DMC1: variants seen among roughly 807,000 people sequenced by gnomAD.
DMC1 encodes the protein DNA meiotic recombinase 1, also known as meiotic recombination protein DMC1 homolog.
DMC1 carries 27 observed loss-of-function variants against 50.1 expected under a neutral mutation model. The observed-to-expected ratio is 0.54, with a 90% CI of 0.40 to 0.74. The LOEUF (loss-of-function observed/expected upper bound fraction) is 0.74. DMC1 is among the 30% of genes least tolerant of loss of function. The pLI is 0.00. For missense variants in DMC1, 295 were observed against 420.2 expected (o/e 0.70, Z 2.60); for synonymous variants, 148 against 136.1 (o/e 1.09, Z -0.61).
rs748739482 is a variant in DMC1 at position 38,521,593 on chromosome 22, TAAAA to T, written c.953+11_953+14del. ...CACACACACACACACACACACAAAA[TAAAA>T]AAAAATTTACCTGTCATAAATCTTG... On this transcript the variant is annotated intron_variant, in intron 13 of 13. Coordinates refer to ENST00000216024, the MANE Select transcript of DMC1 (RefSeq NM_007068.4). The T allele has an allele frequency of 1.1e-4, 128 of 1,199,834 alleles. No homozygotes were observed. The highest frequency in any genetic ancestry group is 1.4e-4 in the Non-Finnish European group (115 of 848,858). 74.3% of individuals were successfully genotyped at this position (1,199,834 alleles called of 1,614,324 possible). A position where few individuals can be genotyped will look rare whatever the true frequency, so the allele number is the denominator to read the frequency against.
downstream of DMC1, among the ~76,000 whole-genome samples, chr22:38,517,890 GTC>G (rs1196077086): frequency 2.0e-5 from 3 of 151,960 alleles, no homozygotes; most frequent in Non-Finnish European, 4.4e-5. Flanking sequence ...TGCCGAGTTA[GTC>G]TCTGTTTTCT....
At chr22:38,549,847 T>A in intron 8 of DMC1, 78 bp downstream of exon 8, 2 of 1,082,642 alleles carry the variant, frequency 1.8e-6, no homozygotes, top group Non-Finnish European at 2.8e-6. Flanking sequence ...ACAAAGATTG[T>A]ATATCTCAGA....
chr22:38,509,368 C>G, the DMC1 span, among the ~76,000 whole-genome samples: 1 of 152,162 alleles, frequency 6.6e-6, no homozygotes, highest in East Asian at 1.9e-4. Context: ...TCCATGTGTC[C>G]GTGTCCTCTT....
intron 8 of DMC1, 40 bp from the exon 9 acceptor site, chr22:38,539,452 T>C (rs368410374): frequency 2.6e-6 from 4 of 1,540,888 alleles, no homozygotes; most frequent in Non-Finnish European, 2.7e-6. Flanking sequence ...AAGTCAATTC[T>C]AAAAAAGTTT....
intron 1 of DMC1, 68 bp from the exon 2 acceptor site, chr22:38,568,357 G>T: frequency 8.4e-7 from 1 of 1,186,110 alleles, no homozygotes; most frequent in Non-Finnish European, 1.2e-6. Flanking sequence ...TCATTTCAAA[G>T]TCAACAAGGA....
rs757107730 is a variant in DMC1, at chr22:38,521,590, A to ACAC, written c.953+17_953+18insGTG. ...ACACACACACACACACACACACACA[A>ACAC]AATAAAAAAAAATTTACCTGTCATA... On this transcript the variant is annotated intron_variant, in intron 13 of 13. Coordinates refer to ENST00000216024, the MANE Select transcript of DMC1 (RefSeq NM_007068.4). The ACAC allele has an allele frequency of 2.0e-4, 291 of 1,426,092 alleles. No homozygotes were observed. The highest frequency in any genetic ancestry group is 3.5e-4 in the Admixed American group (20 of 57,930). The allele number at this position is 1,426,092 out of a possible 1,614,324, so 88.3% of individuals were successfully genotyped here.
intron 5 of DMC1, among the ~76,000 whole-genome samples, chr22:38,556,035 T>C (rs1202091397): frequency 6.6e-6 from 1 of 152,154 alleles, no homozygotes; most frequent in Non-Finnish European, 1.5e-5. Flanking sequence ...TTTCACCATA[T>C]TGGCCAGGTT....
intron 4 of DMC1, among the ~76,000 whole-genome samples, chr22:38,563,722 T>C (rs1364985088): frequency 6.6e-6 from 1 of 150,916 alleles, no homozygotes; most frequent in Non-Finnish European, 1.5e-5. Context: ...TTTTTTGAGA[T>C]GGAGTCTCGC....
intron 1 of DMC1, among the ~76,000 whole-genome samples, 196 bp downstream of exon 1, chr22:38,569,847 A>G (rs1248162040): frequency 6.6e-6 from 1 of 152,168 alleles, no homozygotes; most frequent in Non-Finnish European, 1.5e-5. Flanking sequence ...GGGCTCTCCT[A>G]GACTCAGGTC....
At position 38,550,949 on chromosome 22, in the gene DMC1, AGAAAG is replaced by A. The variant is rs1480606521; in HGVS notation, c.422-957_422-953del. Among the ~76,000 whole-genome samples, 125 of 131,952 alleles carry A rather than the reference AGAAAG, an allele frequency of 9.5e-4. 3 individuals carry two copies. Among genetic ancestry groups the A allele is most frequent in the African/African-American group, 4.0e-3 (122 of 30,744 alleles). The allele number at this position is 131,952 out of a possible 152,430, so 86.6% of individuals were successfully genotyped here. On this transcript the variant is annotated intron_variant, in intron 7 of 13. Transcript: ENST00000216024. ...CCATCTCAAAAAAAAAAAAAAAAAA[AGAAAG>A]AAAGAAAGAAAGAAAGAAAAAAGAA...
intron 12 of DMC1, among the ~76,000 whole-genome samples, chr22:38,536,037 A>G (rs2090208031): frequency 6.8e-6 from 1 of 147,422 alleles, no homozygotes; most frequent in African/African-American, 2.5e-5. Context: ...CCTGGCCAAC[A>G]TGGCAAAACC....
In DMC1 at chr22:38,520,882, G is replaced by GT. The variant is rs574922199; in HGVS notation, c.953+725dup. On this transcript the variant is annotated intron_variant, in intron 13 of 13. Transcript: ENST00000216024. ...CAATTCTTTTTTGTTTTTTGTTTTT[G>GT]TTTTTTTTTTTTGAGACGGAGTCTC... 2.7e-3 allele frequency among the ~76,000 whole-genome samples: 381 copies of GT among 140,864 alleles called. 1 individual carries two copies. Among genetic ancestry groups the GT allele is most frequent in the Middle Eastern group, 0.011 (3 of 276 alleles). 92.4% of individuals were successfully genotyped at this position (140,864 alleles called of 152,430 possible).
chr22:38,541,292 T>A (rs887285463), intron 8 of DMC1, among the ~76,000 whole-genome samples: 1 of 152,158 alleles, frequency 6.6e-6, no homozygotes, highest in Admixed American at 6.6e-5. Context: ...TTTTTAAAAA[T>A]TTTTATTTTA....
rs1263961386 is a variant in DMC1 at position 38,539,361 on chromosome 22, A to G, written c.546T>C (p.Asp182=). The G allele has an allele frequency of 1.9e-6, 3 of 1,614,124 alleles. No individual in the cohort carries two copies. The highest frequency in any genetic ancestry group is 1.7e-5 in the Admixed American group (1 of 60,004). ...DIADRFNVDH[D]AVLDNVLYAR... ...CATAAAGTACGTTGTCCAGTACTGCATCATGGTCTACATTAAAGCGATCAG... is the reference window on the plus strand; with the variant it reads ...CATAAAGTACGTTGTCCAGTACTGCGTCATGGTCTACATTAAAGCGATCAG... The change falls in exon 9 of 14, where the codon GAT becomes GAC. Residue 182 remains aspartate, a synonymous_variant. Coordinates refer to ENST00000216024, the MANE Select transcript of DMC1 (RefSeq NM_007068.4).
chr22:38,510,755 C>T, the DMC1 span, among the ~76,000 whole-genome samples: 5 of 152,112 alleles, frequency 3.3e-5, no homozygotes, highest in Admixed American at 2.0e-4. Context: ...ACCAGCACAC[C>T]GAAGGTGGGG....
intron 8 of DMC1, among the ~76,000 whole-genome samples, chr22:38,544,431 C>T (rs1306990252): frequency 6.6e-6 from 1 of 152,154 alleles, no homozygotes; most frequent in Non-Finnish European, 1.5e-5. Flanking sequence ...CCTTGCTTTG[C>T]TTAGTCTTCC....
chr22:38,547,500 T>C (rs1055972897), intron 8 of DMC1, among the ~76,000 whole-genome samples: 5 of 152,042 alleles, frequency 3.3e-5, no homozygotes, highest in Non-Finnish European at 7.4e-5. Context: ...GAATTTCCTC[T>C]GAATACCTCC....
intron 8 of DMC1, among the ~76,000 whole-genome samples, chr22:38,548,254 T>C (rs1187037811): frequency 1.3e-5 from 2 of 152,200 alleles, no homozygotes; most frequent in Non-Finnish European, 2.9e-5. Flanking sequence ...GCCATCTGGA[T>C]ATCCTCATGT....
At chr22:38,551,856 C>CTT (rs71761663) in intron 7 of DMC1, among the ~76,000 whole-genome samples, 346 of 93,094 alleles carry the variant, frequency 3.7e-3, no homozygotes, top group Non-Finnish European at 4.5e-3. Flanking sequence ...GAACTCCTTT[C>CTT]TTTTTTTTTT....
Sources: allele counts gnomAD v4.1 joint callset (sites outside exome capture counted in the v4.1 genomes callset), GRCh38; gene constraint gnomAD v4.1.1; transcripts MANE v1.5; gene names NCBI Gene and HGNC (gene_info 2026-07-23, HGNC 2026-07-21).